Variants in CNTNAP5 observed in about 807,000 individuals in gnomAD.
CNTNAP5 encodes contactin associated protein family member 5.
A neutral mutation model predicts 150.2 loss-of-function variants in CNTNAP5; 72 were observed. The ratio of observed to expected loss-of-function variants is 0.48; its 90% CI spans 0.40 to 0.58. The LOEUF (loss-of-function observed/expected upper bound fraction) is 0.58. Among genes scored for constraint, CNTNAP5 ranks in the 20% least tolerant of loss-of-function variants. CNTNAP5 has a pLI of 0.00. For missense variants in CNTNAP5, 1,636 were observed against 1,626.2 expected (o/e 1.01, Z -0.10); for synonymous variants, 672 against 619.8 (o/e 1.08, Z -1.25).
intron 13 of CNTNAP5, among the ~76,000 whole-genome samples, chr2:124,726,649 AG>A (rs1486162460): frequency 6.6e-6 from 1 of 151,310 alleles, no homozygotes; most frequent in Non-Finnish European, 1.5e-5. Flanking sequence ...TTCAAAAAAA[AG>A]TCTATTCATT....
At chr2:124,353,262 C>T (rs573898897) in intron 3 of CNTNAP5, among the ~76,000 whole-genome samples, 6 of 123,158 alleles carry the variant, frequency 4.9e-5, no homozygotes, top group Non-Finnish European at 1.6e-5. Context: ...TTTCAAATTT[C>T]TCACTAAAAC....
At position 124,919,525 on chromosome 2, in the gene CNTNAP5, G is replaced by T. The variant is rs764733116; in HGVS notation, c.*5237G>T. Among the ~76,000 whole-genome samples the T allele has an allele frequency of 6.6e-6, 1 of 152,070 alleles. No homozygotes were observed. The highest frequency in any genetic ancestry group is 2.1e-4 in the South Asian group (1 of 4,830). ...CGAGGAGGAAGAGGGGCCAGTGGCA[G>T]TAATTGGTGGCCATCTGAGGTGAGG... On this transcript the variant is annotated 3_prime_UTR_variant, in exon 24 of 24. Transcript: ENST00000682447.
chr2:124,185,926 A>T (rs1685323594), intron 1 of CNTNAP5, among the ~76,000 whole-genome samples: 2 of 152,244 alleles, frequency 1.3e-5, no homozygotes, highest in South Asian at 4.1e-4. Flanking sequence ...TAATGGATAT[A>T]TTCAAATATT....
intron 14 of CNTNAP5, among the ~76,000 whole-genome samples, chr2:124,753,410 T>A (rs932086980): frequency 1.3e-5 from 2 of 152,186 alleles, no homozygotes; most frequent in African/African-American, 4.8e-5. Flanking sequence ...AATGTATTTT[T>A]AGATAGGTCA....
rs528049268 is a variant in CNTNAP5 at position 124,653,917 on chromosome 2, C to T, written c.2077+5959C>T. Among the ~76,000 whole-genome samples, 14 of 137,110 alleles carry T rather than the reference C, an allele frequency of 1.0e-4. 1 individual carries two copies. The highest frequency in any genetic ancestry group is 2.6e-4 in the South Asian group (1 of 3,808). 89.9% of individuals were successfully genotyped at this position (137,110 alleles called of 152,430 possible). ...CATGCCCCCACTGCCCCCAACCCCC[C>T]CCCCCCGCCACACACACACAATCAG... is the stretch of plus-strand genomic sequence containing the variant. On this transcript the variant is annotated intron_variant, in intron 13 of 23. Coordinates refer to ENST00000682447, the MANE Select transcript of CNTNAP5 (RefSeq NM_001367498.1).
chr2:124,408,620 G>T (rs544941242), intron 3 of CNTNAP5, among the ~76,000 whole-genome samples: 9 of 151,940 alleles, frequency 5.9e-5, no homozygotes, highest in Admixed American at 1.3e-4. Flanking sequence ...CCCAGCAGGG[G>T]GGCACACTGA....
chr2:124,869,288 G>A (rs977249722), intron 20 of CNTNAP5, among the ~76,000 whole-genome samples: 3 of 152,142 alleles, frequency 2.0e-5, no homozygotes, highest in African/African-American at 7.2e-5. Context: ...GAGAAAGGGG[G>A]AGAAATGGAA....
At chr2:124,622,752 A>G (rs902630443) in intron 12 of CNTNAP5, among the ~76,000 whole-genome samples, 4 of 152,132 alleles carry the variant, frequency 2.6e-5, no homozygotes, top group Non-Finnish European at 4.4e-5. Context: ...CACAAGTGTC[A>G]ACTTCCATTG....
intron 21 of CNTNAP5, among the ~76,000 whole-genome samples, chr2:124,871,946 A>C (rs1034797133): frequency 4.6e-5 from 7 of 151,888 alleles, no homozygotes; most frequent in Non-Finnish European, 1.0e-4. Flanking sequence ...TATCTACTCA[A>C]TTCTTCTAGA....
chr2:124,685,768 G>A lies in CNTNAP5; in HGVS notation c.2077+37810G>A, dbSNP rs548484355. On this transcript the variant is annotated intron_variant, in intron 13 of 23. Coordinates refer to ENST00000682447, the MANE Select transcript of CNTNAP5 (RefSeq NM_001367498.1). ...TGTGTGTGTGTGTGTGTGTGCGCGC[G>A]CGTGTTATTGAGCATTCCTGTGATA... Among the ~76,000 whole-genome samples the A allele has an allele frequency of 2.0e-3, 290 of 143,782 alleles. 4 individuals carry two copies. The highest frequency in any genetic ancestry group is 6.7e-3 in the African/African-American group (255 of 37,842). The allele number at this position is 143,782 out of a possible 152,430, so 94.3% of individuals were successfully genotyped here. A position where few individuals can be genotyped will look rare whatever the true frequency, so the allele number is the denominator to read the frequency against.
chr2:124,281,782 A>G (rs1330979144), intron 3 of CNTNAP5, among the ~76,000 whole-genome samples: 1 of 152,148 alleles, frequency 6.6e-6, no homozygotes, highest in Non-Finnish European at 1.5e-5. Flanking sequence ...CGGAAGCCGG[A>G]TGGGACCTTT....
rs910576527 is a variant in CNTNAP5, at chr2:124,772,531, T to C, written c.2534-268T>C. On this transcript the variant is annotated intron_variant, in intron 16 of 23. Coordinates refer to ENST00000682447, the MANE Select transcript of CNTNAP5 (RefSeq NM_001367498.1). ...AGAAAATCCAGGGCCTCGGCATTCA[T>C]GCAGGTATATCAGATGAGCATGAAT... Among the ~76,000 whole-genome samples, 3 of 152,134 alleles carry C rather than the reference T, an allele frequency of 2.0e-5. No homozygotes were observed. In the South Asian group the frequency reaches 6.2e-4, roughly 32 times the overall value.
chr2:124,874,276 A>G (rs1396576955), intron 21 of CNTNAP5, among the ~76,000 whole-genome samples: 1 of 152,048 alleles, frequency 6.6e-6, no homozygotes, highest in Non-Finnish European at 1.5e-5. Context: ...ATAACATTAA[A>G]AGAGAGAGAG....
intron 13 of CNTNAP5, among the ~76,000 whole-genome samples, chr2:124,738,292 A>G (rs539103877): frequency 3.3e-5 from 5 of 152,296 alleles, no homozygotes; most frequent in Admixed American, 2.6e-4. Flanking sequence ...GTATCAGGGA[A>G]ATTGTGTAGT....
intron 7 of CNTNAP5, among the ~76,000 whole-genome samples, chr2:124,493,950 AAAG>A (rs1292967216): frequency 3.6e-5 from 4 of 110,464 alleles, no homozygotes; most frequent in African/African-American, 1.2e-4. Flanking sequence ...TTTGGAGACA[AAAG>A]AAAACCATAA....
rs1014015849 is a variant in CNTNAP5 at position 124,920,207 on chromosome 2, C to A, written c.*5919C>A. Reference sequence around the variant, plus strand: ...TGATTAACGCCTGGTCTTATTTTAACGAGTGTCATAGTCTTACATGCTTCA... The same window carrying A: ...TGATTAACGCCTGGTCTTATTTTAAAGAGTGTCATAGTCTTACATGCTTCA... On this transcript the variant is annotated 3_prime_UTR_variant, in exon 24 of 24. Transcript: ENST00000682447. Among the ~76,000 whole-genome samples the A allele has an allele frequency of 6.6e-6, 1 of 152,066 alleles. No homozygotes were observed. The highest frequency in any genetic ancestry group is 2.4e-5 in the African/African-American group (1 of 41,428).
intron 1 of CNTNAP5, among the ~76,000 whole-genome samples, chr2:124,104,110 T>G (rs1037433411): frequency 6.6e-6 from 1 of 150,762 alleles, no homozygotes; most frequent in African/African-American, 2.4e-5. Context: ...TATCCTCCTC[T>G]AGATACTACC....
At chr2:124,090,062 G>C (rs1054464466) in intron 1 of CNTNAP5, among the ~76,000 whole-genome samples, 1 of 151,950 alleles carries the variant, frequency 6.6e-6, no homozygotes, top group Non-Finnish European at 1.5e-5. Context: ...TATATCATAG[G>C]ACCTCAAGAG....
intron 13 of CNTNAP5, among the ~76,000 whole-genome samples, chr2:124,721,559 G>C (rs564724963): frequency 1.0e-3 from 156 of 149,630 alleles, no homozygotes; most frequent in African/African-American, 3.7e-3. Flanking sequence ...TTAAATATAG[G>C]GTGTCAGAAG....
Sources: gnomAD v4.1 joint callset for allele counts (sites outside exome capture counted in the v4.1 genomes callset) on GRCh38, gnomAD v4.1.1 for gene constraint, MANE v1.5 for transcripts, NCBI Gene and HGNC (gene_info 2026-07-23, HGNC 2026-07-21) for gene names.